The following ADAMTS12 variants were observed in gnomAD, a reference collection of about 807,000 sequenced individuals.
ADAMTS12 encodes the protein A disintegrin and metalloproteinase with thrombospondin motifs 12.
A neutral mutation model predicts 167.8 loss-of-function variants in ADAMTS12; 118 were observed. The observed-to-expected ratio is 0.70, with a 90% CI of 0.61 to 0.82. The LOEUF (loss-of-function observed/expected upper bound fraction) is 0.82, where lower values mean the gene tolerates loss of function less well. ADAMTS12 is among the 40% of genes least tolerant of loss of function. The pLI is 0.00. For missense variants in ADAMTS12, 1,916 were observed against 1,998.8 expected, an observed-to-expected ratio of 0.96 and a Z score of 0.79; for synonymous variants, 704 against 716.9, an observed-to-expected ratio of 0.98 and a Z score of 0.29.
intron 16 of ADAMTS12, among the ~76,000 whole-genome samples, chr5:33,606,976 T>C (rs998613450): frequency 1.3e-5 from 2 of 152,148 alleles, no homozygotes; most frequent in African/African-American, 4.8e-5. Context: ...AATCTATTCA[T>C]GAAATAACCA....
chr5:33,793,109 G>A (rs1746638955), intron 2 of ADAMTS12, among the ~76,000 whole-genome samples: 1 of 152,212 alleles, frequency 6.6e-6, no homozygotes, highest in Non-Finnish European at 1.5e-5. Context: ...TGGCCTCTTG[G>A]CCACCACGGC....
At chr5:33,597,683 ATT>A (rs68042107) in intron 16 of ADAMTS12, among the ~76,000 whole-genome samples, 12 of 150,406 alleles carry the variant, frequency 8.0e-5, no homozygotes, top group Middle Eastern at 3.4e-3. Flanking sequence ...AAAAAGAACA[ATT>A]TTTTTTTTTT....
intron 16 of ADAMTS12, among the ~76,000 whole-genome samples, chr5:33,597,318 T>A (rs1268050978): frequency 6.6e-6 from 1 of 152,204 alleles, no homozygotes; most frequent in Non-Finnish European, 1.5e-5. Context: ...TGGGTAAGAA[T>A]ACTAAAGACT....
In ADAMTS12 at chr5:33,759,533, A is replaced by C. The variant is rs530942073; in HGVS notation, c.490-7985T>G. Among the ~76,000 whole-genome samples, 217 of 152,282 alleles carry C rather than the reference A, an allele frequency of 1.4e-3. 1 individual carries two copies. The highest frequency in any genetic ancestry group is 5.6e-3 in the South Asian group (27 of 4,816). On this transcript the variant is annotated intron_variant, in intron 2 of 23. Transcript: ENST00000504830. ...TAAGGCAATTCATGAAAATGACCCC[A>C]AACAGTGCCAACCTTCAGTCAATCT... is the stretch of plus-strand genomic sequence containing the variant.
At chr5:33,659,662 C>T (rs542940973) in intron 6 of ADAMTS12, among the ~76,000 whole-genome samples, 3 of 152,316 alleles carry the variant, frequency 2.0e-5, no homozygotes, top group African/African-American at 7.2e-5. Context: ...GCTCTACTTC[C>T]ACCATGCACT....
intron 2 of ADAMTS12, among the ~76,000 whole-genome samples, chr5:33,846,958 G>T (rs1248565403): frequency 6.6e-6 from 1 of 152,152 alleles, no homozygotes; most frequent in East Asian, 1.9e-4. Context: ...AACAACTGGA[G>T]CTTCTCTTGC....
intron 23 of ADAMTS12, among the ~76,000 whole-genome samples, chr5:33,527,973 T>TAGC (rs1033949764): frequency 5.9e-5 from 9 of 151,492 alleles, no homozygotes; most frequent in African/African-American, 2.2e-4. Flanking sequence ...TGCATGTTTA[T>TAGC]AGCAGCACAA....
At chr5:33,863,279 T>C (rs1749689308) in intron 2 of ADAMTS12, among the ~76,000 whole-genome samples, 1 of 152,244 alleles carries the variant, frequency 6.6e-6, no homozygotes, top group Non-Finnish European at 1.5e-5. Flanking sequence ...GACATGATTG[T>C]ATATTTAGAA....
intron 14 of ADAMTS12, among the ~76,000 whole-genome samples, chr5:33,621,354 C>T (rs1739318532): frequency 7.1e-6 from 1 of 140,972 alleles, no homozygotes; most frequent in African/African-American, 2.6e-5. Flanking sequence ...GAGCCTAGAT[C>T]ATACCACTGC....
At chr5:33,655,406 G>A (rs1267006658) in intron 7 of ADAMTS12, among the ~76,000 whole-genome samples, 1 of 152,018 alleles carries the variant, frequency 6.6e-6, no homozygotes, top group African/African-American at 2.4e-5. Context: ...CGTTGGGTAG[G>A]GTAACTCTGA....
At chr5:33,757,179 A>G (rs1200162312) in intron 2 of ADAMTS12, among the ~76,000 whole-genome samples, 3 of 152,202 alleles carry the variant, frequency 2.0e-5, no homozygotes, top group Non-Finnish European at 4.4e-5. Flanking sequence ...ATGAACTGCA[A>G]AAATGTGACC....
At chr5:33,555,920 T>C (rs903745499) in intron 20 of ADAMTS12, among the ~76,000 whole-genome samples, 1 of 152,008 alleles carries the variant, frequency 6.6e-6, no homozygotes, top group African/African-American at 2.4e-5. Context: ...TACTGGGGAG[T>C]GAACACCTTC....
intron 2 of ADAMTS12, among the ~76,000 whole-genome samples, chr5:33,791,990 T>TCA (rs1459804581): frequency 2.6e-4 from 38 of 145,582 alleles, no homozygotes; most frequent in Admixed American, 8.3e-4. Context: ...AAACGTGCTT[T>TCA]CACACTTTTT....
chr5:33,631,164 A>G (rs1184263212), intron 12 of ADAMTS12, among the ~76,000 whole-genome samples: 2 of 152,260 alleles, frequency 1.3e-5, no homozygotes, highest in East Asian at 3.9e-4. Flanking sequence ...GCTTTAAAAT[A>G]CTCTATGCTT....
chr5:33,770,415 C>G (rs531847161), intron 2 of ADAMTS12, among the ~76,000 whole-genome samples: 1 of 152,172 alleles, frequency 6.6e-6, no homozygotes, highest in East Asian at 1.9e-4. Flanking sequence ...CTGTAACTGC[C>G]CGTGATTCAG....
chr5:33,756,508 AAAT>A (rs1457458410), intron 2 of ADAMTS12, among the ~76,000 whole-genome samples: 1 of 152,206 alleles, frequency 6.6e-6, no homozygotes, highest in Non-Finnish European at 1.5e-5. Context: ...TACACAGCCA[AAAT>A]AATAAGTCAG....
intron 23 of ADAMTS12, among the ~76,000 whole-genome samples, chr5:33,534,036 A>G (rs1194346512): frequency 6.6e-6 from 1 of 152,182 alleles, no homozygotes; most frequent in Non-Finnish European, 1.5e-5. Flanking sequence ...TTTACATGTC[A>G]ATGAAGCCCA....
Position 33,576,148 on chromosome 5 carries a change from A to G in ADAMTS12, c.3878T>C (p.Leu1293Pro). 6.2e-7 allele frequency: 1 copy of G among 1,614,176 alleles called. No homozygotes were observed. The highest frequency in any genetic ancestry group is 2.2e-5 in the East Asian group (1 of 44,878). ...ATTTAGCAAAAAGCCCTCAGTAATC[A>G]GACTTGTTGCATCCTCCTCAGTCAG... ...PVLTEEDATSLITEGFLLNAS... is the reference protein window; with the variant it reads ...PVLTEEDATSPITEGFLLNAS... The change falls in exon 19 of 24, where the codon CTG (leucine) becomes CCG (proline). Residue 1293 changes from leucine to proline, a missense_variant. Coordinates refer to ENST00000504830, the MANE Select transcript of ADAMTS12 (RefSeq NM_030955.4).
intron 2 of ADAMTS12, among the ~76,000 whole-genome samples, chr5:33,830,570 C>T (rs1227065097): frequency 1.3e-5 from 2 of 152,122 alleles, no homozygotes; most frequent in East Asian, 3.9e-4. Context: ...TGGAGGATCG[C>T]TTGAGCTCAG....
Sources: gnomAD v4.1 joint callset for allele counts (sites outside exome capture counted in the v4.1 genomes callset) on GRCh38, gnomAD v4.1.1 for gene constraint, MANE v1.5 for transcripts, NCBI Gene and HGNC (gene_info 2026-07-23, HGNC 2026-07-21) for gene names.